Variants in RNF14 observed in about 807,000 individuals in gnomAD.
The protein encoded by RNF14 is E3 ubiquitin-protein ligase RNF14.
In RNF14, 26 loss-of-function variants were observed where a neutral mutation model predicts 52.6. That is an observed-to-expected ratio of 0.49 (90% CI 0.36 to 0.69). The LOEUF (loss-of-function observed/expected upper bound fraction) is 0.69. Ranked by LOEUF, RNF14 falls within the 30% of genes least tolerant of loss-of-function variation. The probability of loss-of-function intolerance (pLI) is 0.00; values close to 1 mark genes in which losing one functional copy is unlikely to be tolerated. For synonymous variants in RNF14, 194 were observed against 202.0 expected, an observed-to-expected ratio of 0.96 and a Z score of 0.34; for missense variants, 404 against 560.4, an observed-to-expected ratio of 0.72 and a Z score of 2.82.
upstream of RNF14, chr5:141,955,128 T>C: frequency 6.2e-7 from 1 of 1,614,228 alleles, no homozygotes; most frequent in South Asian, 1.1e-5. This position sits in a 1 kb window ranked among gnomAD's most constrained non-coding sequence, Gnocchi z 5.5. Flanking sequence ...GTCTCAGGGT[T>C]GCAGAGGAGG....
upstream of RNF14, chr5:141,955,731 G>A (rs1168434177): frequency 1.9e-6 from 3 of 1,614,140 alleles, no homozygotes; most frequent in African/African-American, 4.0e-5. This position sits in a 1 kb window ranked among gnomAD's most constrained non-coding sequence, Gnocchi z 5.5. Context: ...CCCCAGGCTT[G>A]CGGGCTGAGT....
upstream of RNF14, chr5:141,957,437 C>T (rs145724323): frequency 4.4e-4 from 712 of 1,612,342 alleles, 1 homozygote; most frequent in Non-Finnish European, 5.4e-4. This position sits in a 1 kb window ranked among gnomAD's most constrained non-coding sequence, Gnocchi z 4.3. Flanking sequence ...AGCTCCTGCT[C>T]GCCTTTGGGA....
chr5:141,953,572 C>T (rs746611756), upstream of RNF14, among the ~76,000 whole-genome samples: 1 of 152,192 alleles, frequency 6.6e-6, no homozygotes, highest in Non-Finnish European at 1.5e-5. Flanking sequence ...TGCCTGTTAC[C>T]CTCAAGTTGA....
chr5:141,976,874 T>C (rs907329386), intron 4 of RNF14, among the ~76,000 whole-genome samples: 1 of 150,088 alleles, frequency 6.7e-6, no homozygotes, highest in Non-Finnish European at 1.5e-5. Context: ...CTACAACCTC[T>C]GCCTAGTGGG....
intron 2 of RNF14, among the ~76,000 whole-genome samples, chr5:141,971,837 G>C (rs1182488178): frequency 6.7e-6 from 1 of 150,336 alleles, no homozygotes; most frequent in East Asian, 2.0e-4. Flanking sequence ...TAGTAGAGAT[G>C]GGGTTTTGCT....
chr5:141,954,864 G>A, upstream of RNF14: 1 of 1,398,678 alleles, frequency 7.1e-7, no homozygotes, highest in Non-Finnish European at 9.6e-7. Context: ...AAAGTGCCAG[G>A]TGAGCCTAAG....
intron 6 of RNF14, chr5:141,982,741 AT>A (rs56229749): frequency 0.83 from 125,748 of 150,636 alleles, 52,560 homozygotes; most frequent in East Asian, 0.98. Context: ...TTATTCACTG[AT>A]TTTTTTTTTT....
chr5:141,987,748 G>A lies in RNF14; in HGVS notation c.1383G>A (p.Val461=), dbSNP rs1755372355. The A allele has an allele frequency of 6.2e-7, 1 of 1,614,022 alleles. No individual in the cohort carries two copies. Among genetic ancestry groups the A allele is most frequent in the Non-Finnish European group, 8.5e-7 (1 of 1,179,984 alleles). ...SPCFNRLFYA[V]DVDDDIWEDE... is the part of the protein sequence containing the mutation. ...ATGCTTCCAGGCTGTTTTATGCTGT[G>A]GATGTTGACGACGATATTTGGGAAG... The change falls in exon 9 of 9, where the codon GTG becomes GTA. Residue 461 remains valine (V), a synonymous_variant. Transcript: ENST00000394520.
At position 141,987,890 on chromosome 5, in the gene RNF14, C is replaced by T. The variant is rs1031557913; in HGVS notation, c.*100C>T. 1.3e-5 allele frequency: 14 copies of T among 1,082,642 alleles called. No homozygotes were observed. Among genetic ancestry groups the T allele is most frequent in the African/African-American group, 1.2e-4 (8 of 64,352 alleles). The allele number at this position is 1,082,642 out of a possible 1,614,324, so 67.1% of individuals were successfully genotyped here. On this transcript the variant is annotated 3_prime_UTR_variant, in exon 9 of 9. Coordinates refer to ENST00000394520, the MANE Select transcript of RNF14 (RefSeq NM_004290.5). ...GGATATTTAGGGTACTATTCATTCA[C>T]TCTTCCTGCGTAGAAGATATGGAAG...
upstream of RNF14, among the ~76,000 whole-genome samples, chr5:141,954,232 C>T (rs1753138079): frequency 6.6e-6 from 1 of 152,172 alleles, no homozygotes; most frequent in Non-Finnish European, 1.5e-5. Context: ...AAGGTAATTT[C>T]CACTGCCCCA....
rs929705693 is a variant in RNF14 at position 141,988,022 on chromosome 5, A to C, written c.*232A>C. On this transcript the variant is annotated 3_prime_UTR_variant, in exon 9 of 9. Transcript: ENST00000394520. ...AGCCAAAGGTTCAGAAAATTAAACT[A>C]CAGAATATTAAATATTATAATGTGC... 2.4e-5 allele frequency: 12 copies of C among 508,770 alleles called. No individual in the cohort carries two copies. Among genetic ancestry groups the C allele is most frequent in the African/African-American group, 2.3e-4 (12 of 52,486 alleles). The allele number at this position is 508,770 out of a possible 1,614,324, so 31.5% of individuals were successfully genotyped here.
At chr5:141,959,329 A>G (rs1753235112) in intron 1 of RNF14, among the ~76,000 whole-genome samples, 1 of 151,444 alleles carries the variant, frequency 6.6e-6, no homozygotes, top group Non-Finnish European at 1.5e-5. Flanking sequence ...CCTATCTTCC[A>G]CTCACCTCCT....
intron 6 of RNF14, chr5:141,981,517 A>C (rs1401328576): frequency 1.2e-4 from 18 of 152,156 alleles, no homozygotes; most frequent in Admixed American, 1.2e-3. Context: ...GAGAAAAAAT[A>C]AACTGGGCCT....
At chr5:141,957,702 G>T, upstream of RNF14, 2 of 1,614,114 alleles carry the variant, frequency 1.2e-6, no homozygotes, top group Non-Finnish European at 1.7e-6. This position sits in a 1 kb window ranked among gnomAD's most constrained non-coding sequence, Gnocchi z 4.3. Context: ...CCAGTTCCTG[G>T]GACAGCTTCC....
At chr5:141,968,971 G>C (rs895820790), upstream of RNF14, 8 of 152,252 alleles carry the variant, frequency 5.3e-5, no homozygotes, top group African/African-American at 1.7e-4. Context: ...GGGTGACGGT[G>C]GTCGCGCCGG....
chr5:141,960,229 G>C (rs1344154400), intron 1 of RNF14, among the ~76,000 whole-genome samples: 3 of 152,190 alleles, frequency 2.0e-5, no homozygotes, highest in Non-Finnish European at 2.9e-5. Flanking sequence ...CTGTGTGCCT[G>C]ACAGTGAACA....
intron 6 of RNF14, among the ~76,000 whole-genome samples, chr5:141,980,573 C>T (rs1754678452): frequency 6.6e-6 from 1 of 152,020 alleles, no homozygotes. Flanking sequence ...GACAGGAAAA[C>T]AAAATAAGGA....
intron 2 of RNF14, among the ~76,000 whole-genome samples, chr5:141,972,837 C>T (rs548359725): frequency 2.0e-5 from 3 of 152,130 alleles, no homozygotes; most frequent in African/African-American, 7.2e-5. Context: ...GTGATTTGCC[C>T]GCCTCGGCCT....
chr5:141,983,629 C>T, intron 7 of RNF14, 77 bp downstream of exon 7: 9 of 1,275,206 alleles, frequency 7.1e-6, no homozygotes, highest in Non-Finnish European at 9.6e-6. Flanking sequence ...CCTTACTAGT[C>T]AATTTTATGA....
Sources: allele counts gnomAD v4.1 joint callset (sites outside exome capture counted in the v4.1 genomes callset), GRCh38; gene constraint gnomAD v4.1.1; non-coding constraint Gnocchi (gnomAD v3.1); transcripts MANE v1.5; gene names NCBI Gene and HGNC (gene_info 2026-07-23, HGNC 2026-07-21).